ELAVL2: variants seen among roughly 807,000 people sequenced by gnomAD.
The protein encoded by ELAVL2 is ELAV-like protein 2.
ELAVL2 carries 4 observed loss-of-function variants against 34.6 expected under a neutral mutation model. That is an observed-to-expected ratio of 0.12 (90% CI 0.06 to 0.26). The LOEUF is 0.26. ELAVL2 is among the 10% of genes least tolerant of loss of function. ELAVL2 has a pLI of 1.00. For synonymous variants in ELAVL2, 193 were observed against 154.8 expected (o/e 1.25, Z -1.83); for missense variants, 432 against 442.8 (o/e 0.98, Z 0.22).
At chr9:23,722,566 AG>A (rs1301434694) in intron 3 of ELAVL2, among the ~76,000 whole-genome samples, 1 of 152,214 alleles carries the variant, frequency 6.6e-6, no homozygotes, top group Non-Finnish European at 1.5e-5. Flanking sequence ...AGACACTCAA[AG>A]GCCCAAATTA....
intron 1 of ELAVL2, chr9:23,783,545 A>G (rs1465783470): frequency 2.1e-6 from 2 of 973,260 alleles, no homozygotes; most frequent in Admixed American, 6.2e-5. Flanking sequence ...ATAAGGCTTT[A>G]GTCACCACTA....
intron 2 of ELAVL2, among the ~76,000 whole-genome samples, chr9:23,735,911 T>C (rs1587899622): frequency 6.6e-6 from 1 of 152,142 alleles, no homozygotes. Flanking sequence ...AAAACCCGTT[T>C]AGTGGCAAAG....
intron 1 of ELAVL2, among the ~76,000 whole-genome samples, chr9:23,786,463 C>G (rs777644456): frequency 2.2e-4 from 33 of 151,944 alleles, no homozygotes; most frequent in Non-Finnish European, 4.4e-4. Context: ...ACTGACATAT[C>G]AGAAGAATAA....
At chr9:23,838,929 T>C in the ELAVL2 span, among the ~76,000 whole-genome samples, 8 of 152,170 alleles carry the variant, frequency 5.3e-5, no homozygotes, top group African/African-American at 1.9e-4. Flanking sequence ...GTTAATTCAA[T>C]TTTCATATTC....
At chr9:23,694,804 G>GT (rs2034522704) in intron 5 of ELAVL2, among the ~76,000 whole-genome samples, 1 of 152,178 alleles carries the variant, frequency 6.6e-6, no homozygotes, top group African/African-American at 2.4e-5. Context: ...TATGCAAAGT[G>GT]TAAGGAAACA....
chr9:23,836,722 A>G, the ELAVL2 span, among the ~76,000 whole-genome samples: 3 of 151,966 alleles, frequency 2.0e-5, no homozygotes, highest in Non-Finnish European at 4.4e-5. Flanking sequence ...TTGAGAGGTG[A>G]AAATTACAGG....
chr9:23,813,318 G>T (rs148387265), intron 1 of ELAVL2, among the ~76,000 whole-genome samples: 2 of 151,950 alleles, frequency 1.3e-5, no homozygotes, highest in South Asian at 4.1e-4. Flanking sequence ...CTTCTGGAGT[G>T]GGGGAGAAAA....
the ELAVL2 span, among the ~76,000 whole-genome samples, chr9:23,838,338 T>TAGCCACCAGGTGGG: frequency 6.6e-6 from 1 of 152,106 alleles, no homozygotes; most frequent in South Asian, 2.1e-4. Flanking sequence ...TGAGGGCCTA[T>TAGCCACCAGGTGGG]AGCCACCAGG....
intron 2 of ELAVL2, among the ~76,000 whole-genome samples, chr9:23,741,309 C>T (rs1047925137): frequency 1.3e-5 from 2 of 152,064 alleles, no homozygotes; most frequent in African/African-American, 4.8e-5. Context: ...CAAGACTGGC[C>T]CATGTGAAGG....
intron 3 of ELAVL2, among the ~76,000 whole-genome samples, chr9:23,717,774 C>T (rs114288005): frequency 6.8e-4 from 103 of 152,228 alleles, no homozygotes; most frequent in African/African-American, 2.4e-3. Context: ...ACAATGACAT[C>T]AAGGACAAGG....
intron 1 of ELAVL2, among the ~76,000 whole-genome samples, chr9:23,762,658 G>T (rs751854426): frequency 7.2e-5 from 11 of 152,106 alleles, no homozygotes; most frequent in Non-Finnish European, 1.3e-4. Flanking sequence ...ACAAAAAAAT[G>T]ACCTACCTAA....
chr9:23,697,491 C>G (rs952543982), intron 5 of ELAVL2, among the ~76,000 whole-genome samples: 6 of 152,028 alleles, frequency 3.9e-5, no homozygotes, highest in African/African-American at 1.4e-4. Flanking sequence ...CATCTTTATC[C>G]TTTTTTATGT....
chr9:23,713,214 T>C lies in ELAVL2; in HGVS notation c.334-8143A>G, dbSNP rs557845346. 1.6e-4 allele frequency among the ~76,000 whole-genome samples: 24 copies of C among 152,298 alleles called. No individual in the cohort carries two copies. The East Asian group carries it at 4.1e-3, about 26-fold the overall frequency. On this transcript the variant is annotated intron_variant, in intron 3 of 6. Coordinates refer to ENST00000397312, the MANE Select transcript of ELAVL2 (RefSeq NM_004432.5). ...GACATCTCATACTGGTAAAGGCAAA[T>C]GGGATACATGGTAAAGATATTCTTG...
chr9:23,712,299 A>G (rs1335336377), intron 3 of ELAVL2, among the ~76,000 whole-genome samples: 1 of 152,176 alleles, frequency 6.6e-6, no homozygotes, highest in Admixed American at 6.5e-5. Flanking sequence ...AGTCTTCAAA[A>G]TCATAAAATC....
intron 3 of ELAVL2, among the ~76,000 whole-genome samples, chr9:23,707,127 C>A (rs2133448335): frequency 6.6e-6 from 1 of 152,234 alleles, no homozygotes; most frequent in Admixed American, 6.5e-5. Context: ...TGCCTAAATA[C>A]TTAAGAACAA....
In ELAVL2 at chr9:23,716,145, TCA is replaced by T. The variant is rs1328051105; in HGVS notation, c.334-11076_334-11075del. Among the ~76,000 whole-genome samples the T allele has an allele frequency of 2.4e-5, 3 of 122,802 alleles. No homozygotes were observed. In the East Asian group the frequency reaches 8.3e-4, roughly 34 times the overall value. 80.6% of individuals were successfully genotyped at this position (122,802 alleles called of 152,430 possible). A position where few individuals can be genotyped will look rare whatever the true frequency, so the allele number is the denominator to read the frequency against. On this transcript the variant is annotated intron_variant, in intron 3 of 6. Transcript: ENST00000397312. ...ACACTTGGACACAGGGTGGGGAACATCACACACCGGGGCCTGTTGTCGGGTTG... is the reference window on the plus strand; with the variant it reads ...ACACTTGGACACAGGGTGGGGAACATCACACCGGGGCCTGTTGTCGGGTTG...
chr9:23,693,532 T>G, intron 5 of ELAVL2, 46 bp from the exon 6 acceptor site: 1 of 1,612,446 alleles, frequency 6.2e-7, no homozygotes, highest in Non-Finnish European at 8.5e-7. Context: ...ATTTTTCCCC[T>G]TGATGTTCAA....
chr9:23,709,457 T>A lies in ELAVL2; in HGVS notation c.334-4386A>T, dbSNP rs1221756583. On this transcript the variant is annotated intron_variant, in intron 3 of 6. Transcript: ENST00000397312. The stretch of plus-strand genomic sequence containing the variant: ...AGCAACCTTCTCCATTCCGATTTTT[T>A]TTTTTTCCTGTGGATTTAGATCTTA... Among the ~76,000 whole-genome samples, 4 of 152,158 alleles carry A rather than the reference T, an allele frequency of 2.6e-5. No individual in the cohort carries two copies. In the East Asian group the frequency reaches 7.7e-4, roughly 29 times the overall value.
chr9:23,744,115 GA>G (rs1294414464), intron 2 of ELAVL2, among the ~76,000 whole-genome samples: 1 of 152,188 alleles, frequency 6.6e-6, no homozygotes, highest in African/African-American at 2.4e-5. Context: ...CTAGCCTTAT[GA>G]ATTTGAGATT....
Sources: allele counts gnomAD v4.1 joint callset (sites outside exome capture counted in the v4.1 genomes callset), GRCh38; gene constraint gnomAD v4.1.1; transcripts MANE v1.5; gene names NCBI Gene and HGNC (gene_info 2026-07-23, HGNC 2026-07-21).